Variants in PDE4D observed in about 807,000 individuals in gnomAD.
PDE4D encodes 3',5'-cyclic-AMP phosphodiesterase 4D.
A neutral mutation model predicts 87.4 loss-of-function variants in PDE4D; 24 were observed. That is an observed-to-expected ratio of 0.27 (90% CI 0.20 to 0.39). The LOEUF is 0.39. Among genes scored for constraint, PDE4D ranks in the 10% least tolerant of loss-of-function variants. PDE4D has a pLI of 1.00. For synonymous variants in PDE4D, 384 were observed against 383.2 expected (o/e 1.00, Z -0.02); for missense variants, 714 against 1,041.0 (o/e 0.69, Z 4.32).
chr5:59,539,658 C>A (rs908565777), intron 1 of PDE4D, among the ~76,000 whole-genome samples: 2 of 152,130 alleles, frequency 1.3e-5, no homozygotes, highest in Admixed American at 6.6e-5. Context: ...TAAGATATAA[C>A]TTTCTGCTAG....
chr5:58,994,475 T>C (rs928815640), intron 6 of PDE4D, among the ~76,000 whole-genome samples: 3 of 117,184 alleles, frequency 2.6e-5, no homozygotes, highest in African/African-American at 9.0e-5. Context: ...TTTCTACACA[T>C]AGAGTAACTG....
chr5:59,755,078 T>C (rs1490599853), intron 1 of PDE4D, among the ~76,000 whole-genome samples: 1 of 152,176 alleles, frequency 6.6e-6, no homozygotes, highest in Non-Finnish European at 1.5e-5. Context: ...ATAGCTGATG[T>C]GGCTTATTGA....
chr5:59,515,288 CT>C (rs1810963211), intron 1 of PDE4D, among the ~76,000 whole-genome samples: 1 of 152,184 alleles, frequency 6.6e-6, no homozygotes, highest in African/African-American at 2.4e-5. Flanking sequence ...GAAAGCATTG[CT>C]TTTTTTGGAC....
At chr5:60,169,410 CT>C (rs1391818829) in intron 2 of PDE4D, among the ~76,000 whole-genome samples, 1 of 152,010 alleles carries the variant, frequency 6.6e-6, no homozygotes, top group East Asian at 1.9e-4. Flanking sequence ...TTCAAAATAT[CT>C]TAAATGAATT....
chr5:59,172,215 T>A (rs1480658093), intron 5 of PDE4D, among the ~76,000 whole-genome samples: 2 of 103,722 alleles, frequency 1.9e-5, no homozygotes, highest in South Asian at 5.3e-4. Context: ...GTATATAATA[T>A]ATAATAAATA....
At chr5:59,822,884 G>A (rs1378613729) in intron 1 of PDE4D, among the ~76,000 whole-genome samples, 1 of 152,178 alleles carries the variant, frequency 6.6e-6, no homozygotes, top group African/African-American at 2.4e-5. Context: ...CAAAATGGCC[G>A]GTAAGCAGTA....
intron 2 of PDE4D, among the ~76,000 whole-genome samples, chr5:60,136,038 ATTGT>A (rs1460841290): frequency 2.6e-5 from 4 of 152,178 alleles, no homozygotes; most frequent in African/African-American, 4.8e-5. Context: ...TGGTCTGACA[ATTGT>A]TTGAGCACAA....
intron 5 of PDE4D, among the ~76,000 whole-genome samples, chr5:59,145,389 G>C (rs1284528385): frequency 6.6e-6 from 1 of 152,166 alleles, no homozygotes; most frequent in Non-Finnish European, 1.5e-5. Context: ...GAGAGAAGGG[G>C]ACAGGTTCTT....
intron 1 of PDE4D, among the ~76,000 whole-genome samples, chr5:59,850,081 A>T (rs1199846596): frequency 6.6e-6 from 1 of 152,046 alleles, no homozygotes; most frequent in Non-Finnish European, 1.5e-5. Flanking sequence ...GCAGTTTGAC[A>T]TATCCAAACT....
chr5:59,715,024 T>C (rs1458549890), intron 1 of PDE4D, among the ~76,000 whole-genome samples: 2 of 152,238 alleles, frequency 1.3e-5, no homozygotes, highest in African/African-American at 2.4e-5. Context: ...GTCCCAACTA[T>C]GGAAAGAAGC....
rs548785157 is a variant in PDE4D at position 59,687,275 on chromosome 5, T to G, written c.455+205893A>C. On this transcript the variant is annotated intron_variant, in intron 1 of 14. Coordinates refer to ENST00000340635, the MANE Select transcript of PDE4D (RefSeq NM_001104631.2). The stretch of plus-strand genomic sequence containing the variant: ...AAGAGCAACTCCAAGACACATAATT[T>G]TCAGATTCACTAAAGTTGAAATGAA... 1.1e-3 allele frequency among the ~76,000 whole-genome samples: 165 copies of G among 152,130 alleles called. 1 individual carries two copies. Among genetic ancestry groups the G allele is most frequent in the Middle Eastern group, 0.01 (3 of 294 alleles).
At chr5:60,273,989 C>T (rs1751094009) in intron 1 of PDE4D, among the ~76,000 whole-genome samples, 1 of 152,110 alleles carries the variant, frequency 6.6e-6, no homozygotes, top group Admixed American at 6.5e-5. Flanking sequence ...AGATGTGATG[C>T]TCTCAAGACA....
At chr5:59,446,202 G>A (rs1798316285) in intron 1 of PDE4D, among the ~76,000 whole-genome samples, 1 of 151,788 alleles carries the variant, frequency 6.6e-6, no homozygotes, top group African/African-American at 2.4e-5. Flanking sequence ...AAATATCAAT[G>A]GATCATTTTA....
intron 1 of PDE4D, among the ~76,000 whole-genome samples, chr5:59,294,166 C>T (rs1190489286): frequency 6.6e-6 from 1 of 152,034 alleles, no homozygotes; most frequent in East Asian, 1.9e-4. Context: ...TGCGGACAGA[C>T]CTACTTAGAA....
At chr5:59,898,399 T>C (rs1378388775), upstream of PDE4D, among the ~76,000 whole-genome samples, 1 of 152,160 alleles carries the variant, frequency 6.6e-6, no homozygotes, top group Non-Finnish European at 1.5e-5. Flanking sequence ...TAAGCAACTA[T>C]AATTTGGGAA....
At chr5:58,999,478 G>C in intron 6 of PDE4D, 1 of 1,466,824 alleles carries the variant, frequency 6.8e-7, no homozygotes, top group Non-Finnish European at 9.3e-7. Flanking sequence ...CAAAAGCTAA[G>C]TAAGTCTTAC....
chr5:60,066,849 A>G (rs534652215), intron 2 of PDE4D, among the ~76,000 whole-genome samples: 1 of 152,154 alleles, frequency 6.6e-6, no homozygotes, highest in East Asian at 1.9e-4. Flanking sequence ...ATCTATTCAT[A>G]TGTTTTTTCT....
At chr5:59,732,839 CAAGT>C (rs1757562820) in intron 1 of PDE4D, among the ~76,000 whole-genome samples, 1 of 151,962 alleles carries the variant, frequency 6.6e-6, no homozygotes, top group Non-Finnish European at 1.5e-5. Flanking sequence ...GGACATATCA[CAAGT>C]AAGTTGTGAA....
chr5:58,979,386 G>T (rs765141749), intron 11 of PDE4D, among the ~76,000 whole-genome samples: 2 of 152,162 alleles, frequency 1.3e-5, no homozygotes, highest in Non-Finnish European at 2.9e-5. Flanking sequence ...ACAGGAAAGT[G>T]GTGGTGACTG....
Sources: gnomAD v4.1 joint callset for allele counts (sites outside exome capture counted in the v4.1 genomes callset) on GRCh38, gnomAD v4.1.1 for gene constraint, MANE v1.5 for transcripts, NCBI Gene and HGNC (gene_info 2026-07-23, HGNC 2026-07-21) for gene names.